Variants in MAP3K19 observed in about 807,000 individuals in gnomAD.
The protein encoded by MAP3K19 is SPS1/STE20-related protein kinase YSK4.
Under a neutral mutation model 114.4 loss-of-function variants are expected in MAP3K19, and 91 were observed. That is an observed-to-expected ratio of 0.80 (90% CI 0.67 to 0.95). MAP3K19 has a LOEUF of 0.95. Among genes scored for constraint, MAP3K19 ranks in the 40% least tolerant of loss-of-function variants. MAP3K19 has a pLI of 0.00. For synonymous variants in MAP3K19, 518 were observed against 530.5 expected, an observed-to-expected ratio of 0.98 and a Z score of 0.32; for missense variants, 1,471 against 1,573.2, an observed-to-expected ratio of 0.94 and a Z score of 1.10.
At chr2:135,028,943 G>A (rs1688316608) in intron 3 of MAP3K19, among the ~76,000 whole-genome samples, 1 of 152,104 alleles carries the variant, frequency 6.6e-6, no homozygotes, top group African/African-American at 2.4e-5. Context: ...GAACCAATAT[G>A]AAAATTTTGA....
rs568132669 is a variant in MAP3K19, at chr2:134,988,617, T to C, written c.619-364A>G. ...GTTGCCCAGGCTGGTCTCAAACTCC[T>C]GGCCTCAAGCAATCCTCCCACTTCT... On this transcript the variant is annotated intron_variant, in intron 9 of 12. Transcript: ENST00000392915. Among the ~76,000 whole-genome samples the C allele has an allele frequency of 2.4e-4, 37 of 152,248 alleles. No homozygotes were observed. In the East Asian group the frequency reaches 5.8e-3, roughly 24 times the overall value.
At chr2:135,028,375 G>C (rs1467593290) in intron 3 of MAP3K19, among the ~76,000 whole-genome samples, 1 of 151,982 alleles carries the variant, frequency 6.6e-6, no homozygotes, top group Non-Finnish European at 1.5e-5. Flanking sequence ...GGGCAACATG[G>C]CAAAACCCCA....
intron 5 of MAP3K19, among the ~76,000 whole-genome samples, chr2:135,007,410 T>C (rs1686904358): frequency 6.6e-6 from 1 of 152,198 alleles, no homozygotes; most frequent in South Asian, 2.1e-4. Context: ...CATCAAGCAT[T>C]TATCCTTTGT....
chr2:135,025,372 CTTTTCTTTTTTTTTT>C (rs1268477114), intron 3 of MAP3K19, among the ~76,000 whole-genome samples: 1 of 70,138 alleles, frequency 1.4e-5, no homozygotes, highest in Non-Finnish European at 2.6e-5. Context: ...ATGGCCTTTT[CTTTTCTTTTTTTTTT>C]TTTTTTTTTT....
rs540118221 is a variant in MAP3K19, at chr2:134,964,605, G to C, written c.*245C>G. On this transcript the variant is annotated 3_prime_UTR_variant, in exon 13 of 13. Coordinates refer to ENST00000392915, the MANE Select transcript of MAP3K19 (RefSeq NM_025052.5). ...ATGTAGTTCCTGGACAATCAAAACT[G>C]TAAACACTGAAATAGTTTTTTGTTG... The C allele has an allele frequency of 2.0e-4, 61 of 311,716 alleles. No individual in the cohort carries two copies. The East Asian group carries it at 3.0e-3, about 15-fold the overall frequency. 19.3% of individuals were successfully genotyped at this position (311,716 alleles called of 1,614,324 possible).
intron 12 of MAP3K19, among the ~76,000 whole-genome samples, chr2:134,968,065 A>G (rs1683514958): frequency 6.6e-6 from 1 of 152,018 alleles, no homozygotes; most frequent in Non-Finnish European, 1.5e-5. Flanking sequence ...ATGACTCCCA[A>G]CGAGCATGCT....
At chr2:135,045,217 C>G (rs182868841) in intron 1 of MAP3K19, among the ~76,000 whole-genome samples, 1 of 152,310 alleles carries the variant, frequency 6.6e-6, no homozygotes, top group Admixed American at 6.5e-5. Flanking sequence ...TTTCTTTAAG[C>G]TCTTTTAAGA....
chr2:134,965,356 A>T (rs1683261430), intron 12 of MAP3K19, among the ~76,000 whole-genome samples: 1 of 152,262 alleles, frequency 6.6e-6, no homozygotes, highest in African/African-American at 2.4e-5. Context: ...TAAAATAGAT[A>T]TTCAAATATG....
chr2:134,971,075 T>C (rs1683846228), intron 12 of MAP3K19, among the ~76,000 whole-genome samples: 1 of 152,208 alleles, frequency 6.6e-6, no homozygotes, highest in African/African-American at 2.4e-5. Context: ...TGGCCTATTA[T>C]ATTGAGGTAT....
rs143669638 is a variant in MAP3K19 at position 135,007,302 on chromosome 2, T to C, written c.139-1771A>G. Among the ~76,000 whole-genome samples the C allele has an allele frequency of 7.0e-3, 1,072 of 152,344 alleles. 12 individuals carry two copies. The highest frequency in any genetic ancestry group is 0.024 in the African/African-American group (1,002 of 41,574). On this transcript the variant is annotated intron_variant, in intron 5 of 12. Coordinates refer to ENST00000392915, the MANE Select transcript of MAP3K19 (RefSeq NM_025052.5). The stretch of plus-strand genomic sequence containing the variant: ...CTTAAACATTGTTTTTTAATTTTTA[T>C]GGGTACATAGGTATATATATTTATG...
chr2:135,016,032 T>C (rs546499520), intron 5 of MAP3K19, among the ~76,000 whole-genome samples: 122 of 152,202 alleles, frequency 8.0e-4, no homozygotes, highest in African/African-American at 2.6e-3. Context: ...AGGGACATTG[T>C]TTGAAGCCAG....
intron 6 of MAP3K19, among the ~76,000 whole-genome samples, chr2:135,002,930 C>T (rs1300909596): frequency 1.3e-5 from 2 of 152,136 alleles, no homozygotes; most frequent in Non-Finnish European, 2.9e-5. Flanking sequence ...CCCCACCGCA[C>T]ATTAATATGT....
At chr2:135,036,975 G>C (rs940697720) in intron 2 of MAP3K19, among the ~76,000 whole-genome samples, 12 of 150,882 alleles carry the variant, frequency 8.0e-5, no homozygotes, top group African/African-American at 3.0e-4. Flanking sequence ...AGTAGAGGCA[G>C]TGAGGATAAA....
In MAP3K19 at chr2:135,007,514, T is replaced by G. The variant is rs993664292; in HGVS notation, c.139-1983A>C. Among the ~76,000 whole-genome samples the G allele has an allele frequency of 2.0e-5, 3 of 152,210 alleles. No individual in the cohort carries two copies. In the South Asian group the frequency reaches 6.2e-4, roughly 32 times the overall value. On this transcript the variant is annotated intron_variant, in intron 5 of 12. Transcript: ENST00000392915. Reference sequence around the variant, plus strand: ...CTGTTGTGCTATCAGTACTAGTTCTTACTCTTTCTTTTCCTTTTTTTTTCT... The same window carrying G: ...CTGTTGTGCTATCAGTACTAGTTCTGACTCTTTCTTTTCCTTTTTTTTTCT...
At chr2:134,981,880 C>CTTTTTTTTTTTTTTTT (rs567597251) in intron 11 of MAP3K19, among the ~76,000 whole-genome samples, 10 of 124,500 alleles carry the variant, frequency 8.0e-5, no homozygotes, top group Non-Finnish European at 1.2e-4. Flanking sequence ...GATTTCTTTT[C>CTTTTTTTTTTTTTTTT]TTTTTTTTTT....
In MAP3K19 at chr2:135,020,162, T is replaced by G. The variant is rs191177173; in HGVS notation, c.138+1553A>C. On this transcript the variant is annotated intron_variant, in intron 5 of 12. Transcript: ENST00000392915. ...CCTCCTGAGTAGCTGGGATTACAGGTGCCCACCACCAAGCCTGGCTAATTT... is the reference window on the plus strand; with the variant it reads ...CCTCCTGAGTAGCTGGGATTACAGGGGCCCACCACCAAGCCTGGCTAATTT... Among the ~76,000 whole-genome samples, 1,045 of 152,110 alleles carry G rather than the reference T, an allele frequency of 6.9e-3. 8 individuals carry two copies. The highest frequency in any genetic ancestry group is 0.044 in the South Asian group (211 of 4,818).
chr2:134,986,191 T>C lies in MAP3K19; in HGVS notation c.2681A>G (p.Asp894Gly). 1.2e-6 allele frequency: 2 copies of C among 1,613,786 alleles called. No homozygotes were observed. Among genetic ancestry groups the C allele is most frequent in the Non-Finnish European group, 1.7e-6 (2 of 1,179,930 alleles). Residue 894 changes from aspartate to glycine, a missense_variant, in exon 10 of 13, where the codon GAT (aspartate) becomes GGT (glycine). Transcript: ENST00000392915. ...SRILTNDLEF[D>G]SVSDHSKTLT... ...TGTTTTAGAGTGATCTGAAACACTA[T>C]CAAACTCTAGATCATTAGTTAAAAT...
At chr2:134,995,855 A>G (rs928289325) in intron 8 of MAP3K19, among the ~76,000 whole-genome samples, 1 of 152,210 alleles carries the variant, frequency 6.6e-6, no homozygotes, top group Non-Finnish European at 1.5e-5. Flanking sequence ...ATCTTAATAG[A>G]TGAAGCCCAA....
chr2:134,966,318 A>G (rs936283568), intron 12 of MAP3K19, among the ~76,000 whole-genome samples: 3 of 152,250 alleles, frequency 2.0e-5, no homozygotes, highest in Non-Finnish European at 2.9e-5. Context: ...AGAAATCTCC[A>G]TACTGTTTTC....
Sources: gnomAD v4.1 joint callset for allele counts (sites outside exome capture counted in the v4.1 genomes callset) on GRCh38, gnomAD v4.1.1 for gene constraint, MANE v1.5 for transcripts, NCBI Gene and HGNC (gene_info 2026-07-23, HGNC 2026-07-21) for gene names.